ITPR2: variants seen among roughly 807,000 people sequenced by gnomAD.
ITPR2 encodes the protein inositol 1,4,5-trisphosphate-gated calcium channel ITPR2.
In ITPR2, 207 loss-of-function variants were observed where a neutral mutation model predicts 317.1. The ratio of observed to expected loss-of-function variants is 0.65; its 90% CI spans 0.58 to 0.73. ITPR2 has a LOEUF of 0.73. Ranked by LOEUF, ITPR2 falls within the 30% of genes least tolerant of loss-of-function variation. The pLI, the probability that ITPR2 is intolerant of heterozygous loss-of-function variation, is 0.00. For synonymous variants in ITPR2, 1,156 were observed against 1,149.1 expected, an observed-to-expected ratio of 1.01 and a Z score of -0.12; for missense variants, 2,613 against 3,284.0, an observed-to-expected ratio of 0.80 and a Z score of 4.99.
intron 1 of ITPR2, among the ~76,000 whole-genome samples, chr12:26,802,614 T>G (rs548309045): frequency 7.6e-5 from 11 of 145,614 alleles, no homozygotes; most frequent in South Asian, 2.2e-4. Flanking sequence ...TATAGATATA[T>G]ATAGATATAG....
intron 45 of ITPR2, among the ~76,000 whole-genome samples, chr12:26,449,587 T>C (rs2136754725): frequency 6.6e-6 from 1 of 152,272 alleles, no homozygotes; most frequent in Middle Eastern, 3.4e-3. Flanking sequence ...AGGAATCACA[T>C]TAGATTTGGT....
At position 26,621,188 on chromosome 12, in the gene ITPR2, T is replaced by C; in HGVS notation, c.3397A>G (p.Ser1133Gly). Residue 1133 changes from serine (S) to glycine (G), a missense_variant, in exon 26 of 57, where the codon AGC (serine) becomes GGC (glycine). Around this residue, in one of 9 missense-constraint regions of ITPR2, gnomAD observed 817 missense variants for 897.6 expected, o/e 0.91. Coordinates refer to ENST00000381340, the MANE Select transcript of ITPR2 (RefSeq NM_002223.4). ...ATTTCTCCATTCTCATAGTTGCTGC[T>C]CTTCTCCACCCATAGCTCAGACTTT... ...VEKSELWVEK[S>G]SNYENGEIGE... 2 of 1,613,992 alleles carry C rather than the reference T, an allele frequency of 1.2e-6. No individual in the cohort carries two copies. Among genetic ancestry groups the C allele is most frequent in the Non-Finnish European group, 1.7e-6 (2 of 1,179,914 alleles).
intron 2 of ITPR2, among the ~76,000 whole-genome samples, chr12:26,785,175 G>GGC (rs1950202711): frequency 8.1e-5 from 2 of 24,842 alleles, no homozygotes; most frequent in African/African-American, 1.8e-4. Flanking sequence ...GGGAGGTGGG[G>GGC]GGGGGTCAGC....
chr12:26,530,478 C>T lies in ITPR2; in HGVS notation c.5073+19769G>A, dbSNP rs1207133313. Among the ~76,000 whole-genome samples the T allele has an allele frequency of 2.1e-4, 32 of 152,192 alleles. 1 individual carries two copies. Among genetic ancestry groups the T allele is most frequent in the Non-Finnish European group, 2.9e-5 (2 of 68,032 alleles). On this transcript the variant is annotated intron_variant, in intron 37 of 56. Transcript: ENST00000381340. ...TTCCCGTGAATCCTGGAGATTTTTA[C>T]TTTCTTGATGGTCAGAAGTAAATGT...
intron 2 of ITPR2, among the ~76,000 whole-genome samples, chr12:26,751,882 G>A (rs73078691): frequency 0.21 from 30,866 of 150,386 alleles, 3,782 homozygotes; most frequent in Non-Finnish European, 0.28. Flanking sequence ...AAAAAAAACA[G>A]TTTTACAGGC....
Position 26,656,360 on chromosome 12 carries a change from G to A in ITPR2, c.2381C>T (p.Ser794Phe). 1 of 1,614,184 alleles carries A rather than the reference G, an allele frequency of 6.2e-7. No homozygotes were observed. Among genetic ancestry groups the A allele is most frequent in the Non-Finnish European group, 8.5e-7 (1 of 1,180,032 alleles). ...CCTGGCATAGCGAACAGGCACCACG[G>A]ACTCCTGGGGATCCCGGTCAACGTG... ...HMHVDRDPQESVVPVRYARLW... is the reference protein window; with the variant it reads ...HMHVDRDPQEFVVPVRYARLW... The change falls in exon 19 of 57, where the codon TCC (serine) becomes TTC (phenylalanine). Residue 794 changes from serine to phenylalanine, a missense_variant. Ser to Phe is a radical substitution (Grantham distance 155). Coordinates refer to ENST00000381340, the MANE Select transcript of ITPR2 (RefSeq NM_002223.4).
chr12:26,450,046 T>C lies in ITPR2; in HGVS notation c.6343-6396A>G, dbSNP rs555342897. ...AATCAGACAGACAAGGAGAATGCCA[T>C]GTAATGACACAGGAGAGACTGGGTG... On this transcript the variant is annotated intron_variant, in intron 45 of 56. Transcript: ENST00000381340. Among the ~76,000 whole-genome samples, 3 of 152,142 alleles carry C rather than the reference T, an allele frequency of 2.0e-5. No homozygotes were observed. In the East Asian group the frequency reaches 5.8e-4, roughly 30 times the overall value.
chr12:26,747,190 C>T (rs529156865), intron 2 of ITPR2, among the ~76,000 whole-genome samples: 4 of 152,228 alleles, frequency 2.6e-5, no homozygotes, highest in Admixed American at 1.3e-4. Context: ...ATGAAATTTG[C>T]TTCCTTGCTT....
At chr12:26,494,760 A>G (rs1487466004) in intron 38 of ITPR2, among the ~76,000 whole-genome samples, 2 of 112,982 alleles carry the variant, frequency 1.8e-5, no homozygotes, top group African/African-American at 6.5e-5. Context: ...ACAGAGTGAG[A>G]CTCTGCCTCA....
Position 26,711,189 on chromosome 12 carries a change from T to C in ITPR2, c.935A>G (p.Asn312Ser). The C allele has an allele frequency of 6.2e-7, 1 of 1,612,728 alleles. No individual in the cohort carries two copies. Among genetic ancestry groups the C allele is most frequent in the Non-Finnish European group, 8.5e-7 (1 of 1,178,828 alleles). ...LFRFKHLATGNYLAAELNPDY... is the reference protein window; with the variant it reads ...LFRFKHLATGSYLAAELNPDY... Reference sequence around the variant, plus strand: ...TAGTCTTACCTCTGCAGCTAAATAGTTTCCAGTTGCAAGATGCTTAAATCT... The same window carrying C: ...TAGTCTTACCTCTGCAGCTAAATAGCTTCCAGTTGCAAGATGCTTAAATCT... The change falls in exon 9 of 57, where the codon AAC becomes AGC. Residue 312 changes from asparagine (N) to serine (S), a missense_variant. Asn to Ser is a conservative substitution (Grantham distance 46, BLOSUM62 1). Coordinates refer to ENST00000381340, the MANE Select transcript of ITPR2 (RefSeq NM_002223.4).
chr12:26,505,550 C>T (rs538449609), intron 37 of ITPR2, among the ~76,000 whole-genome samples: 1 of 152,278 alleles, frequency 6.6e-6, no homozygotes, highest in Non-Finnish European at 1.5e-5. Context: ...CTAACCGCAC[C>T]AAGTCAATTC....
chr12:26,540,735 T>C (rs1944236503), intron 37 of ITPR2, among the ~76,000 whole-genome samples: 1 of 152,144 alleles, frequency 6.6e-6, no homozygotes, highest in Non-Finnish European at 1.5e-5. Context: ...AATAATGAGG[T>C]TAAAATGAAT....
At chr12:26,780,358 G>A (rs1459073406) in intron 2 of ITPR2, among the ~76,000 whole-genome samples, 2 of 152,170 alleles carry the variant, frequency 1.3e-5, no homozygotes, top group Non-Finnish European at 2.9e-5. Flanking sequence ...CCAGATATGG[G>A]TTTGCCTATC....
At chr12:26,641,711 T>A (rs1243205237) in intron 21 of ITPR2, among the ~76,000 whole-genome samples, 1 of 152,198 alleles carries the variant, frequency 6.6e-6, no homozygotes, top group East Asian at 1.9e-4. Context: ...TTGCCTGATG[T>A]GTAGCCTGGC....
At chr12:26,827,858 T>G (rs1336719509) in intron 1 of ITPR2, among the ~76,000 whole-genome samples, 1 of 152,226 alleles carries the variant, frequency 6.6e-6, no homozygotes, top group Non-Finnish European at 1.5e-5. Flanking sequence ...GACAGTGGAA[T>G]AAATTGTCAC....
intron 5 of ITPR2, among the ~76,000 whole-genome samples, chr12:26,718,206 C>A (rs2137036206): frequency 6.6e-6 from 1 of 152,288 alleles, no homozygotes; most frequent in African/African-American, 2.4e-5. Flanking sequence ...TCCCCTCACC[C>A]CCCACCCCCT....
intron 43 of ITPR2, among the ~76,000 whole-genome samples, chr12:26,477,536 A>T (rs1942447274): frequency 6.6e-6 from 1 of 152,172 alleles, no homozygotes; most frequent in Non-Finnish European, 1.5e-5. Context: ...AATATAATAT[A>T]AACTTATTGA....
intron 5 of ITPR2, chr12:26,721,343 C>T (rs1234518573): frequency 4.9e-6 from 3 of 613,552 alleles, no homozygotes. Flanking sequence ...AGCTTGCATC[C>T]TGTGGAATTG....
At chr12:26,526,548 TAAAGAG>T (rs1396541643) in intron 37 of ITPR2, among the ~76,000 whole-genome samples, 1 of 152,186 alleles carries the variant, frequency 6.6e-6, no homozygotes, top group Non-Finnish European at 1.5e-5. Context: ...CATTTTCTTT[TAAAGAG>T]AAACAGAAAA....
Sources: gnomAD v4.1 joint callset for allele counts (sites outside exome capture counted in the v4.1 genomes callset) on GRCh38, gnomAD v4.1.1 for gene constraint, gnomAD v4.1.1 regional missense constraint, MANE v1.5 for transcripts, NCBI Gene and HGNC (gene_info 2026-07-23, HGNC 2026-07-21) for gene names.